PLD5: variants seen among roughly 807,000 people sequenced by gnomAD.
PLD5 encodes the protein phospholipase D family member 5, also known as inactive phospholipase D5.
Under a neutral mutation model 61.1 loss-of-function variants are expected in PLD5, and 36 were observed. The ratio of observed to expected loss-of-function variants is 0.59; its 90% confidence interval spans 0.45 to 0.78. PLD5 has a LOEUF of 0.78. Ranked by LOEUF, PLD5 falls within the 30% of genes least tolerant of loss-of-function variation. PLD5 has a pLI of 0.00. For synonymous variants in PLD5, 243 were observed against 242.8 expected, an observed-to-expected ratio of 1.00 and a Z score of -0.01; for missense variants, 515 against 644.4, an observed-to-expected ratio of 0.80 and a Z score of 2.17.
At chr1:242,153,106 A>G (rs1296848025) in intron 5 of PLD5, among the ~76,000 whole-genome samples, 1 of 152,206 alleles carries the variant, frequency 6.6e-6, no homozygotes, top group Non-Finnish European at 1.5e-5. Context: ...TCTAATGACC[A>G]GTGATGATGA....
At chr1:242,407,047 T>A (rs1004138699) in intron 1 of PLD5, among the ~76,000 whole-genome samples, 1 of 152,220 alleles carries the variant, frequency 6.6e-6, no homozygotes, top group African/African-American at 2.4e-5. Context: ...TTGAATTTTA[T>A]GTAGCTCTTA....
At chr1:242,329,029 G>A (rs200740448) in intron 2 of PLD5, among the ~76,000 whole-genome samples, 1 of 145,024 alleles carries the variant, frequency 6.9e-6, no homozygotes, top group Admixed American at 6.9e-5. Context: ...ATTTTTTTGA[G>A]ACAGAGTCTC....
chr1:242,277,340 G>C lies in PLD5; in HGVS notation c.495+11022C>G, dbSNP rs574190034. ...AGAATTCCTTCAAAACCTCACTGCA[G>C]TGAGATTCCAGCATCCTCAGGGAAA... On this transcript the variant is annotated intron_variant, in intron 3 of 9. Coordinates refer to ENST00000536534, the MANE Select transcript of PLD5 (RefSeq NM_001372062.1). Among the ~76,000 whole-genome samples the C allele has an allele frequency of 1.8e-3, 274 of 152,184 alleles. 3 individuals are homozygous for C. The highest frequency in any genetic ancestry group is 6.3e-3 in the African/African-American group (262 of 41,516).
chr1:242,093,563 C>T (rs1026274659), intron 9 of PLD5, among the ~76,000 whole-genome samples: 7 of 152,040 alleles, frequency 4.6e-5, no homozygotes, highest in Admixed American at 1.3e-4. Flanking sequence ...TTGTCCAAAG[C>T]GGGAATAGAA....
At chr1:242,306,745 ACACACACACACACACAC>A (rs1676377491) in intron 2 of PLD5, among the ~76,000 whole-genome samples, 1 of 3,874 alleles carries the variant, frequency 2.6e-4, no homozygotes, top group Non-Finnish European at 3.5e-4. Flanking sequence ...ATTAAAACAC[ACACACACACACACACAC>A]ACACACACAC....
intron 5 of PLD5, among the ~76,000 whole-genome samples, chr1:242,191,616 G>C (rs1158333455): frequency 1.3e-5 from 2 of 151,586 alleles, no homozygotes; most frequent in African/African-American, 2.4e-5. Context: ...GAAGGAAAGA[G>C]GAAAAAACTC....
At chr1:242,389,011 C>T (rs12062625) in intron 1 of PLD5, among the ~76,000 whole-genome samples, 4,258 of 150,306 alleles carry the variant, frequency 0.028, 221 homozygotes, top group African/African-American at 0.1. Context: ...ACCAAGATTG[C>T]GCCACTGCAC....
chr1:242,520,071 T>A (rs1353931100), intron 1 of PLD5, among the ~76,000 whole-genome samples: 1 of 152,188 alleles, frequency 6.6e-6, no homozygotes, highest in Non-Finnish European at 1.5e-5. Flanking sequence ...CTTAGCTGGA[T>A]CCCCTTGTGC....
At chr1:242,112,292 T>TGC (rs1407786089) in intron 7 of PLD5, among the ~76,000 whole-genome samples, 1 of 99,814 alleles carries the variant, frequency 1.0e-5, no homozygotes, top group Non-Finnish European at 1.8e-5. Flanking sequence ...ACTGTGTGTG[T>TGC]GTGTGTGTGT....
At chr1:242,470,308 C>G (rs563834192) in intron 1 of PLD5, among the ~76,000 whole-genome samples, 238 of 149,878 alleles carry the variant, frequency 1.6e-3, no homozygotes, top group Non-Finnish European at 2.7e-3. Context: ...CACCACTGCA[C>G]TCCAGCTTGG....
At chr1:242,144,386 G>T (rs927808053) in intron 5 of PLD5, among the ~76,000 whole-genome samples, 5 of 152,122 alleles carry the variant, frequency 3.3e-5, no homozygotes, top group South Asian at 2.1e-4. Context: ...AGAAAGAAAA[G>T]AAACTAGAAG....
chr1:242,476,987 C>T lies in PLD5; in HGVS notation c.189+47101G>A, dbSNP rs1487266343. Among the ~76,000 whole-genome samples the T allele has an allele frequency of 3.3e-5, 5 of 152,166 alleles. No individual in the cohort carries two copies. The East Asian group carries it at 5.8e-4, about 18-fold the overall frequency. On this transcript the variant is annotated intron_variant, in intron 1 of 9. Coordinates refer to ENST00000536534, the MANE Select transcript of PLD5 (RefSeq NM_001372062.1). ...AGGGCTGGCCAGACATGGTGGCTCACGCCTATAATCCCAATACTTTGGGAG... is the reference window on the plus strand; with the variant it reads ...AGGGCTGGCCAGACATGGTGGCTCATGCCTATAATCCCAATACTTTGGGAG...
At chr1:242,171,628 T>A (rs1453758213) in intron 5 of PLD5, among the ~76,000 whole-genome samples, 1 of 151,762 alleles carries the variant, frequency 6.6e-6, no homozygotes, top group Non-Finnish European at 1.5e-5. Flanking sequence ...CCCATCAGTG[T>A]GCTGTATTCA....
intron 5 of PLD5, among the ~76,000 whole-genome samples, chr1:242,184,976 T>C (rs1253567682): frequency 6.6e-6 from 1 of 152,208 alleles, no homozygotes; most frequent in Non-Finnish European, 1.5e-5. Context: ...CAATTCCTGC[T>C]GTTTCTCCTC....
At chr1:242,334,409 G>C (rs1035451039) in intron 2 of PLD5, among the ~76,000 whole-genome samples, 1 of 152,134 alleles carries the variant, frequency 6.6e-6, no homozygotes, top group African/African-American at 2.4e-5. Context: ...CATATTATAA[G>C]GACAAAATAA....
chr1:242,265,848 A>T (rs1673640347), intron 3 of PLD5, among the ~76,000 whole-genome samples: 1 of 152,180 alleles, frequency 6.6e-6, no homozygotes, highest in Non-Finnish European at 1.5e-5. Context: ...TCTTAATCTC[A>T]CTAATCTCCA....
intron 1 of PLD5, among the ~76,000 whole-genome samples, chr1:242,483,845 T>C (rs1667866675): frequency 6.6e-6 from 1 of 151,958 alleles, no homozygotes. Context: ...AGAACAGAAA[T>C]TACAACAAAC....
chr1:242,173,163 T>C (rs1666873167), intron 5 of PLD5, among the ~76,000 whole-genome samples: 1 of 152,144 alleles, frequency 6.6e-6, no homozygotes, highest in African/African-American at 2.4e-5. Flanking sequence ...CCCCATCGTC[T>C]CAGCCCAAAA....
chr1:242,148,070 A>T (rs545625887), intron 5 of PLD5, among the ~76,000 whole-genome samples: 2 of 152,132 alleles, frequency 1.3e-5, no homozygotes, highest in East Asian at 3.9e-4. Context: ...TGTTTTGAAA[A>T]TTTTAAGCTA....
Sources: gnomAD v4.1 joint callset for allele counts (sites outside exome capture counted in the v4.1 genomes callset) on GRCh38, gnomAD v4.1.1 for gene constraint, MANE v1.5 for transcripts, NCBI Gene and HGNC (gene_info 2026-07-23, HGNC 2026-07-21) for gene names.